DKK2: variants seen among roughly 807,000 people sequenced by gnomAD.
The protein encoded by DKK2 is dickkopf-related protein 2.
DKK2 carries 11 observed loss-of-function variants against 28.1 expected under a neutral mutation model. The observed-to-expected ratio is 0.39, with a 90% CI of 0.25 to 0.65. The LOEUF (loss-of-function observed/expected upper bound fraction) is 0.65, where lower values mean the gene tolerates loss of function less well. DKK2 is among the 30% of genes least tolerant of loss of function. DKK2 has a pLI of 0.47. For missense variants in DKK2, 326 were observed against 335.5 expected (o/e 0.97, Z 0.22); for synonymous variants, 135 against 126.5 (o/e 1.07, Z -0.45).
Position 106,923,808 on chromosome 4 carries a change from T to A in DKK2, c.*146A>T. On this transcript the variant is annotated 3_prime_UTR_variant, in exon 4 of 4. Coordinates refer to ENST00000285311, the MANE Select transcript of DKK2 (RefSeq NM_014421.3). Reference sequence around the variant, plus strand: ...TCTAATCTATTCAGTTCATGTTTTCTTTCTCCCTTTTTGTGATCATCTATA... The same window carrying A: ...TCTAATCTATTCAGTTCATGTTTTCATTCTCCCTTTTTGTGATCATCTATA... 8.7e-7 allele frequency: 1 copy of A among 1,146,576 alleles called. No homozygotes were observed. Among genetic ancestry groups the A allele is most frequent in the Non-Finnish European group, 1.2e-6 (1 of 821,630 alleles). 71.0% of individuals were successfully genotyped at this position (1,146,576 alleles called of 1,614,324 possible).
intron 1 of DKK2, among the ~76,000 whole-genome samples, chr4:106,933,683 A>C (rs1724534103): frequency 6.6e-6 from 1 of 152,132 alleles, no homozygotes; most frequent in African/African-American, 2.4e-5. Flanking sequence ...TAAATAGATG[A>C]TGTCTGCTTT....
chr4:107,001,893 T>A (rs1356566817), intron 1 of DKK2, among the ~76,000 whole-genome samples: 1 of 152,226 alleles, frequency 6.6e-6, no homozygotes, highest in Non-Finnish European at 1.5e-5. Context: ...ACAATATGAA[T>A]AAATTAGTGT....
chr4:107,016,200 G>T (rs932986779), intron 1 of DKK2, among the ~76,000 whole-genome samples: 3 of 151,816 alleles, frequency 2.0e-5, no homozygotes, highest in Non-Finnish European at 4.4e-5. Flanking sequence ...CATTCTCCTT[G>T]TTTGCTTAGC....
chr4:107,016,323 A>G (rs1264607625), intron 1 of DKK2, among the ~76,000 whole-genome samples: 1 of 151,944 alleles, frequency 6.6e-6, no homozygotes, highest in Non-Finnish European at 1.5e-5. Flanking sequence ...ATTGTTATAG[A>G]GCAAGTTTAA....
In DKK2 at chr4:106,949,058, G is replaced by T. The variant is rs139524113; in HGVS notation, c.223-23109C>A. 3.5e-4 allele frequency among the ~76,000 whole-genome samples: 54 copies of T among 152,212 alleles called. 1 individual carries two copies. The highest frequency in any genetic ancestry group is 1.3e-3 in the African/African-American group (53 of 41,534). On this transcript the variant is annotated intron_variant, in intron 1 of 3. Coordinates refer to ENST00000285311, the MANE Select transcript of DKK2 (RefSeq NM_014421.3). ...TTGCCCTTTCCCTTTGTGTATACGG[G>T]TATATAAATGATGATCTGTAAAATA...
intron 1 of DKK2, among the ~76,000 whole-genome samples, chr4:107,031,218 G>T (rs1288280925): frequency 6.6e-6 from 1 of 151,752 alleles, no homozygotes; most frequent in African/African-American, 2.4e-5. Context: ...TTTCCTGATT[G>T]TGTTTAGTGT....
intron 1 of DKK2, among the ~76,000 whole-genome samples, chr4:106,981,001 A>G (rs1723019620): frequency 6.6e-6 from 1 of 152,316 alleles, no homozygotes; most frequent in Non-Finnish European, 1.5e-5. Flanking sequence ...GGCAAGTGTC[A>G]TGAGCAAGAA....
intron 1 of DKK2, among the ~76,000 whole-genome samples, chr4:107,018,726 C>G (rs984629133): frequency 6.6e-6 from 1 of 152,002 alleles, no homozygotes; most frequent in Admixed American, 6.6e-5. Flanking sequence ...AATATTTGAC[C>G]CATACCTTGT....
chr4:106,986,306 T>C (rs1407979806), intron 1 of DKK2, among the ~76,000 whole-genome samples: 3 of 152,204 alleles, frequency 2.0e-5, no homozygotes, highest in African/African-American at 7.2e-5. Context: ...ATTTTGCTTT[T>C]TATTAAAGAT....
chr4:107,033,761 T>C (rs952225954), intron 1 of DKK2, among the ~76,000 whole-genome samples: 1 of 152,142 alleles, frequency 6.6e-6, no homozygotes, highest in Non-Finnish European at 1.5e-5. Context: ...AGAGGAGTCA[T>C]GATTTGGATT....
chr4:106,948,105 C>T (rs990051747), intron 1 of DKK2, among the ~76,000 whole-genome samples: 1 of 152,034 alleles, frequency 6.6e-6, no homozygotes, highest in African/African-American at 2.4e-5. Flanking sequence ...TTCAGTTTTA[C>T]GGGTGAGGAA....
intron 1 of DKK2, among the ~76,000 whole-genome samples, chr4:106,975,216 G>C (rs1395196795): frequency 6.6e-6 from 1 of 152,078 alleles, no homozygotes; most frequent in East Asian, 1.9e-4. Flanking sequence ...TTTTGGTTGT[G>C]TCTCTGCCAG....
intron 1 of DKK2, among the ~76,000 whole-genome samples, chr4:107,004,546 C>A (rs1050264486): frequency 2.6e-5 from 4 of 152,194 alleles, no homozygotes; most frequent in Middle Eastern, 3.2e-3. Flanking sequence ...ATTTGCCTCA[C>A]TATGCAATTC....
At chr4:106,962,194 C>A (rs80347277) in intron 1 of DKK2, among the ~76,000 whole-genome samples, 1 of 152,028 alleles carries the variant, frequency 6.6e-6, no homozygotes, top group Non-Finnish European at 1.5e-5. Flanking sequence ...ATTACAGATT[C>A]GTCCATATTT....
intron 1 of DKK2, among the ~76,000 whole-genome samples, chr4:107,025,565 A>G (rs1454160677): frequency 1.3e-5 from 2 of 152,160 alleles, no homozygotes; most frequent in Non-Finnish European, 2.9e-5. Flanking sequence ...TAGCACTTGG[A>G]AAAAGGACAA....
At chr4:106,940,338 G>T (rs1196146287) in intron 1 of DKK2, among the ~76,000 whole-genome samples, 2 of 152,074 alleles carry the variant, frequency 1.3e-5, no homozygotes, top group Non-Finnish European at 1.5e-5. Context: ...CATTTATGCA[G>T]CCAAAAAACA....
At chr4:106,935,221 G>A (rs372694323) in intron 1 of DKK2, among the ~76,000 whole-genome samples, 10 of 152,148 alleles carry the variant, frequency 6.6e-5, no homozygotes, top group African/African-American at 2.2e-4. Flanking sequence ...ATCTCACTAG[G>A]GAGTGCCAGA....
At chr4:107,018,923 G>T (rs1242916083) in intron 1 of DKK2, among the ~76,000 whole-genome samples, 2 of 152,004 alleles carry the variant, frequency 1.3e-5, no homozygotes, top group African/African-American at 2.4e-5. Context: ...TTTGCAATCT[G>T]CTACCTTTCA....
intron 1 of DKK2, among the ~76,000 whole-genome samples, chr4:106,945,458 A>C (rs891803883): frequency 6.6e-6 from 1 of 152,140 alleles, no homozygotes; most frequent in Non-Finnish European, 1.5e-5. Flanking sequence ...AATTAATAGT[A>C]ATATTAAACA....
Sources: allele counts gnomAD v4.1 joint callset (sites outside exome capture counted in the v4.1 genomes callset), GRCh38; gene constraint gnomAD v4.1.1; transcripts MANE v1.5; gene names NCBI Gene and HGNC (gene_info 2026-07-23, HGNC 2026-07-21).